The following DRC11 variants were observed in gnomAD, a reference collection of about 807,000 sequenced individuals.
DRC11 encodes dynein regulatory complex subunit 11.
the DRC11 span, among the ~76,000 whole-genome samples, chr2:236,396,155 C>T: frequency 1.3e-5 from 2 of 151,936 alleles, no homozygotes; most frequent in African/African-American, 4.8e-5. Flanking sequence ...ATTTCATGGA[C>T]ATTTATAAAT....
the DRC11 span, among the ~76,000 whole-genome samples, chr2:236,475,024 T>C: frequency 6.6e-6 from 1 of 152,182 alleles, no homozygotes; most frequent in African/African-American, 2.4e-5. This position sits in a 1 kb window ranked among gnomAD's most constrained non-coding sequence, Gnocchi z 4.8. Context: ...TACAATTGAT[T>C]ATTGTTAACT....
the DRC11 span, among the ~76,000 whole-genome samples, chr2:236,462,365 C>T: frequency 6.6e-6 from 1 of 152,086 alleles, no homozygotes; most frequent in South Asian, 2.1e-4. This position sits in a 1 kb window ranked among gnomAD's most constrained non-coding sequence, Gnocchi z 6.4. Context: ...GCAGCCATAC[C>T]ACATGGCTGT....
At chr2:236,372,838 T>C in the DRC11 span, among the ~76,000 whole-genome samples, 29 of 152,206 alleles carry the variant, frequency 1.9e-4, no homozygotes, top group Non-Finnish European at 3.5e-4. This position sits in a 1 kb window ranked among gnomAD's most constrained non-coding sequence, Gnocchi z 4.5. Context: ...TCTCAAATAC[T>C]TGGTCTCAAG....
At chr2:236,325,976 T>C in the DRC11 span, among the ~76,000 whole-genome samples, 1 of 152,228 alleles carries the variant, frequency 6.6e-6, no homozygotes, top group Non-Finnish European at 1.5e-5. This position sits in a 1 kb window ranked among gnomAD's most constrained non-coding sequence, Gnocchi z 4.4. Flanking sequence ...ATTAGGCAGA[T>C]AGTTGTTTTT....
chr2:236,422,456 T>C, the DRC11 span, among the ~76,000 whole-genome samples: 1 of 152,284 alleles, frequency 6.6e-6, no homozygotes, highest in Admixed American at 6.5e-5. Flanking sequence ...TCACAATTGC[T>C]TCAAAGAGAA....
chr2:236,388,920 T>C, the DRC11 span, among the ~76,000 whole-genome samples: 72 of 152,288 alleles, frequency 4.7e-4, no homozygotes, highest in African/African-American at 1.5e-3. Context: ...AGTACCCAGC[T>C]GTGTGAGGTG....
At chr2:236,495,199 C>T in the DRC11 span, among the ~76,000 whole-genome samples, 14 of 152,040 alleles carry the variant, frequency 9.2e-5, no homozygotes, top group African/African-American at 2.2e-4. This position sits in a 1 kb window ranked among gnomAD's most constrained non-coding sequence, Gnocchi z 5.6. Flanking sequence ...AAAAATTAGC[C>T]GGGTGTGGTG....
chr2:236,498,375 G>T, the DRC11 span, among the ~76,000 whole-genome samples: 1 of 152,050 alleles, frequency 6.6e-6, no homozygotes, highest in Admixed American at 6.6e-5. Context: ...TGAGGCAGGG[G>T]AATCACTTGA....
At chr2:236,425,906 T>TAAAG in the DRC11 span, among the ~76,000 whole-genome samples, 9 of 152,060 alleles carry the variant, frequency 5.9e-5, 1 homozygote, top group African/African-American at 2.2e-4. Flanking sequence ...TCTTCCATTG[T>TAAAG]GTGTTCTTGA....
At chr2:236,338,170 G>A in the DRC11 span, 24 of 1,596,878 alleles carry the variant, frequency 1.5e-5, no homozygotes, top group Non-Finnish European at 1.7e-5. Context: ...CCCAGCCTCA[G>A]CTATCATGCA....
chr2:236,432,783 A>AT, the DRC11 span, among the ~76,000 whole-genome samples: 45 of 151,134 alleles, frequency 3.0e-4, no homozygotes, highest in East Asian at 6.6e-3. Flanking sequence ...GAATTTATCA[A>AT]TTTTTTTTTC....
At chr2:236,333,847 T>C in the DRC11 span, among the ~76,000 whole-genome samples, 3 of 152,076 alleles carry the variant, frequency 2.0e-5, no homozygotes, top group African/African-American at 4.8e-5. This position sits in a 1 kb window ranked among gnomAD's most constrained non-coding sequence, Gnocchi z 6.0. Context: ...TGGGAAAGGG[T>C]GAACTGTACC....
chr2:236,342,574 C>T, the DRC11 span, among the ~76,000 whole-genome samples: 135 of 152,316 alleles, frequency 8.9e-4, no homozygotes, highest in African/African-American at 3.1e-3. The surrounding 1 kb of genome is among the most constrained non-coding windows in gnomAD (Gnocchi z 5.8). Context: ...TGCAGCCCTG[C>T]TCCCTGAGGG....
At chr2:236,408,144 A>G in the DRC11 span, 3 of 686,128 alleles carry the variant, frequency 4.4e-6, no homozygotes, top group Admixed American at 5.4e-5. The surrounding 1 kb of genome is among the most constrained non-coding windows in gnomAD (Gnocchi z 5.5). Flanking sequence ...TCTTGTCAGG[A>G]AGGTCATGGT....
the DRC11 span, among the ~76,000 whole-genome samples, chr2:236,439,890 A>G: frequency 6.6e-6 from 1 of 152,168 alleles, no homozygotes; most frequent in Non-Finnish European, 1.5e-5. Flanking sequence ...ATGGCTGTAA[A>G]ACTAGTATTA....
At chr2:236,486,925 G>A in the DRC11 span, 1 of 1,541,050 alleles carries the variant, frequency 6.5e-7, no homozygotes, top group East Asian at 2.3e-5. This position sits in a 1 kb window ranked among gnomAD's most constrained non-coding sequence, Gnocchi z 5.7. Context: ...ATGGTTACTT[G>A]TTTAATACAT....
At chr2:236,475,617 A>G in the DRC11 span, among the ~76,000 whole-genome samples, 1 of 152,172 alleles carries the variant, frequency 6.6e-6, no homozygotes, top group African/African-American at 2.4e-5. The surrounding 1 kb of genome is among the most constrained non-coding windows in gnomAD (Gnocchi z 4.8). Context: ...AGGAACTTCC[A>G]TACTGTTTTC....
chr2:236,389,458 A>G, the DRC11 span, among the ~76,000 whole-genome samples: 15 of 152,150 alleles, frequency 9.9e-5, no homozygotes, highest in African/African-American at 3.6e-4. Flanking sequence ...TCTTTGACTC[A>G]GAAAGGGAAC....
At chr2:236,347,289 T>C in the DRC11 span, among the ~76,000 whole-genome samples, 1 of 152,130 alleles carries the variant, frequency 6.6e-6, no homozygotes, top group Non-Finnish European at 1.5e-5. Context: ...TGTAAACTCA[T>C]AGAGCTGCTA....
Sources: gnomAD v4.1 joint callset for allele counts (sites outside exome capture counted in the v4.1 genomes callset) on GRCh38, gnomAD v4.1.1 for gene constraint, Gnocchi (gnomAD v3.1) non-coding constraint, MANE v1.5 for transcripts, NCBI Gene and HGNC (gene_info 2026-07-23, HGNC 2026-07-21) for gene names.